Variants in SV2C observed in about 807,000 individuals in gnomAD.
SV2C encodes solute carrier family 22 member B3.
A neutral mutation model predicts 79.7 loss-of-function variants in SV2C; 49 were observed. The ratio of observed to expected loss-of-function variants is 0.61; its 90% CI spans 0.49 to 0.78. The LOEUF (loss-of-function observed/expected upper bound fraction) is 0.78, where lower values mean the gene tolerates loss of function less well. Ranked by LOEUF, SV2C falls within the 30% of genes least tolerant of loss-of-function variation. The pLI is 0.00. For synonymous variants in SV2C, 334 were observed against 333.2 expected, an observed-to-expected ratio of 1.00 and a Z score of -0.03; for missense variants, 833 against 912.9, an observed-to-expected ratio of 0.91 and a Z score of 1.13.
the SV2C span, among the ~76,000 whole-genome samples, chr5:75,995,765 G>A: frequency 6.6e-6 from 1 of 151,988 alleles, no homozygotes; most frequent in African/African-American, 2.4e-5. Context: ...AAGAAAACTT[G>A]ACATTAGAAG....
At chr5:76,025,383 G>A in the SV2C span, among the ~76,000 whole-genome samples, 1 of 152,062 alleles carries the variant, frequency 6.6e-6, no homozygotes, top group Non-Finnish European at 1.5e-5. Flanking sequence ...AGACTAATAT[G>A]TTCAGATGGC....
Position 76,285,232 on chromosome 5 carries a change from C to A in SV2C, c.984C>A (p.Leu328=), listed in dbSNP as rs763638384. ...GTGTGTTTGTCATCGTCTGTGCACT[C>A]CCCTGTGTCTCCTCCGTGGTGGCCC... ...SWRVFVIVCA[L]PCVSSVVALT... is the part of the protein sequence containing the mutation. The change falls in exon 5 of 13, where the codon CTC becomes CTA. Residue 328 remains leucine, a synonymous_variant. Transcript: ENST00000502798. 9.4e-5 allele frequency: 151 copies of A among 1,614,096 alleles called. No individual in the cohort carries two copies. The highest frequency in any genetic ancestry group is 1.3e-4 in the Non-Finnish European group (148 of 1,180,034).
intron 2 of SV2C, among the ~76,000 whole-genome samples, chr5:76,146,163 G>GT (rs1749413080): frequency 6.6e-6 from 1 of 152,154 alleles, no homozygotes; most frequent in Non-Finnish European, 1.5e-5. Context: ...CTCTTAAGTC[G>GT]ACCAGGGAAA....
the SV2C span, among the ~76,000 whole-genome samples, chr5:76,005,996 A>G: frequency 3.3e-5 from 5 of 152,048 alleles, no homozygotes; most frequent in Non-Finnish European, 7.4e-5. Context: ...ATTGTGAAAA[A>G]ACTTCCTTTA....
At chr5:75,949,438 T>C in the SV2C span, among the ~76,000 whole-genome samples, 1 of 151,948 alleles carries the variant, frequency 6.6e-6, no homozygotes, top group Non-Finnish European at 1.5e-5. Context: ...AGTTGGAGAC[T>C]GGTGTAGTAA....
At chr5:76,137,457 T>C (rs1393457676) in intron 2 of SV2C, among the ~76,000 whole-genome samples, 2 of 152,108 alleles carry the variant, frequency 1.3e-5, no homozygotes, top group African/African-American at 2.4e-5. Context: ...GGGAGGCTGA[T>C]GAAGTTCATT....
the SV2C span, among the ~76,000 whole-genome samples, chr5:76,009,158 A>G: frequency 6.6e-6 from 1 of 152,148 alleles, no homozygotes; most frequent in Non-Finnish European, 1.5e-5. Context: ...AACACATACA[A>G]AAAAATGTTC....
At chr5:75,986,281 T>G in the SV2C span, among the ~76,000 whole-genome samples, 1 of 151,638 alleles carries the variant, frequency 6.6e-6, no homozygotes, top group Non-Finnish European at 1.5e-5. Context: ...CCAGTGGAAT[T>G]ACTTAGTGCA....
At chr5:76,341,354 A>G (rs1169526022) in intron 12 of SV2C, among the ~76,000 whole-genome samples, 1 of 151,886 alleles carries the variant, frequency 6.6e-6, no homozygotes, top group Non-Finnish European at 1.5e-5. Flanking sequence ...CCTGAACAGC[A>G]TCCATCTCTA....
chr5:75,942,096 A>G, the SV2C span, among the ~76,000 whole-genome samples: 1 of 152,202 alleles, frequency 6.6e-6, no homozygotes, highest in Non-Finnish European at 1.5e-5. Context: ...TGGACAGATG[A>G]ACACATGGAG....
At chr5:75,856,987 C>T in the SV2C span, among the ~76,000 whole-genome samples, 9 of 136,642 alleles carry the variant, frequency 6.6e-5, no homozygotes, top group Middle Eastern at 0.017. Flanking sequence ...GACGGAGTCT[C>T]GCTCTGTCAC....
the SV2C span, among the ~76,000 whole-genome samples, chr5:76,008,465 C>G: frequency 2.0e-5 from 3 of 152,104 alleles, no homozygotes; most frequent in Non-Finnish European, 4.4e-5. Flanking sequence ...TTTTTCCTCG[C>G]AACGAGTCCA....
chr5:75,991,616 T>A, the SV2C span, among the ~76,000 whole-genome samples: 1 of 148,390 alleles, frequency 6.7e-6, no homozygotes, highest in African/African-American at 2.5e-5. Flanking sequence ...GATACATATA[T>A]GCAAAACCAT....
chr5:75,871,788 C>T, the SV2C span, among the ~76,000 whole-genome samples: 7 of 149,682 alleles, frequency 4.7e-5, no homozygotes, highest in East Asian at 1.4e-3. Context: ...AGCCTGGCAA[C>T]AGAGCGAGAC....
At chr5:76,170,344 C>T (rs370356617) in intron 2 of SV2C, among the ~76,000 whole-genome samples, 1 of 122,004 alleles carries the variant, frequency 8.2e-6, no homozygotes, top group East Asian at 2.1e-4. Flanking sequence ...CCACAGTACT[C>T]GTCCACCATT....
intron 6 of SV2C, among the ~76,000 whole-genome samples, chr5:76,286,167 C>T (rs911653621): frequency 2.6e-5 from 4 of 152,088 alleles, no homozygotes; most frequent in Non-Finnish European, 5.9e-5. Context: ...AATGATAACA[C>T]CAACCCAAGA....
chr5:76,213,729 A>G (rs1402205859), intron 4 of SV2C, among the ~76,000 whole-genome samples: 3 of 152,220 alleles, frequency 2.0e-5, no homozygotes, highest in Non-Finnish European at 4.4e-5. Flanking sequence ...TCATGTGTGT[A>G]TGATGAGAAC....
intron 12 of SV2C, among the ~76,000 whole-genome samples, chr5:76,318,369 G>C (rs1314293132): frequency 6.6e-6 from 1 of 152,012 alleles, no homozygotes; most frequent in East Asian, 1.9e-4. Flanking sequence ...AGTGAGCCGA[G>C]ATCGTGCCAC....
upstream of SV2C, among the ~76,000 whole-genome samples, chr5:76,080,456 C>T (rs1190738005): frequency 6.6e-6 from 1 of 152,120 alleles, no homozygotes; most frequent in East Asian, 1.9e-4. Context: ...AAAACCAGTT[C>T]TCCAAAGCGC....
Sources: gnomAD v4.1 joint callset for allele counts (sites outside exome capture counted in the v4.1 genomes callset) on GRCh38, gnomAD v4.1.1 for gene constraint, MANE v1.5 for transcripts, NCBI Gene and HGNC (gene_info 2026-07-23, HGNC 2026-07-21) for gene names.